Variants in SLC30A6 observed in about 807,000 individuals in gnomAD.
The protein encoded by SLC30A6 is solute carrier family 30 member 6, also known as zinc transporter 6.
A neutral mutation model predicts 63.0 loss-of-function variants in SLC30A6; 55 were observed. The observed-to-expected ratio is 0.87, with a 90% CI of 0.70 to 1.09. The LOEUF is 1.09. Ranked by LOEUF, SLC30A6 falls within the 50% of genes least tolerant of loss-of-function variation. SLC30A6 has a pLI of 0.00. For missense variants in SLC30A6, 587 were observed against 549.2 expected, an observed-to-expected ratio of 1.07 and a Z score of -0.69; for synonymous variants, 224 against 186.1, an observed-to-expected ratio of 1.20 and a Z score of -1.66.
chr2:32,223,532 C>G lies in SLC30A6; in HGVS notation c.*2819C>G, dbSNP rs1686252640. ...AATAATCAGCTTCAAAACGTTATGG[C>G]TAAATCTGTAGAATGTATGCCCAAT... On this transcript the variant is annotated 3_prime_UTR_variant, in exon 14 of 14. Transcript: ENST00000282587. 6.6e-6 allele frequency: 1 copy of G among 152,180 alleles called. No individual in the cohort carries two copies. Among genetic ancestry groups the G allele is most frequent in the Admixed American group, 6.5e-5 (1 of 15,276 alleles). 9.4% of individuals were successfully genotyped at this position (152,180 alleles called of 1,614,324 possible).
intron 4 of SLC30A6, among the ~76,000 whole-genome samples, chr2:32,177,093 A>C (rs1268768610): frequency 2.6e-5 from 4 of 152,068 alleles, no homozygotes; most frequent in Non-Finnish European, 5.9e-5. Flanking sequence ...TCCTTGTCTC[A>C]AAAAGAGACC....
chr2:32,187,611 C>A (rs574457429), intron 5 of SLC30A6, among the ~76,000 whole-genome samples: 5 of 152,172 alleles, frequency 3.3e-5, no homozygotes, highest in Non-Finnish European at 5.9e-5. Flanking sequence ...GTTCTCTAGG[C>A]CTGAGAACTA....
At chr2:32,167,702 G>T (rs1438749619) in intron 1 of SLC30A6, among the ~76,000 whole-genome samples, 1 of 151,988 alleles carries the variant, frequency 6.6e-6, no homozygotes, top group African/African-American at 2.4e-5. Flanking sequence ...ACATAAAGCT[G>T]CACAAAACGA....
chr2:32,209,501 C>T lies in SLC30A6; in HGVS notation c.825C>T (p.Thr275=), dbSNP rs181032883. 33 of 1,611,838 alleles carry T rather than the reference C, an allele frequency of 2.0e-5. No individual in the cohort carries two copies. Among genetic ancestry groups the T allele is most frequent in the Admixed American group, 1.2e-4 (7 of 59,502 alleles). The change falls in exon 13 of 14, where the codon ACC becomes ACT. Residue 275 remains threonine, a synonymous_variant. Transcript: ENST00000282587. The part of the protein sequence containing the change: ...QLDKLIREVS[T]LDGVLEVRNE... ...CTTTCTGTTTTTGGTAGGTATCTAC[C>T]TTAGATGGAGTTTTAGAAGTCCGAA...
chr2:32,209,680 G>A (rs1685086163), intron 13 of SLC30A6, 119 bp downstream of exon 13: 1 of 803,406 alleles, frequency 1.2e-6, no homozygotes, highest in Admixed American at 2.9e-5. Flanking sequence ...GTTATGTTAA[G>A]CAGAGTCTAA....
At chr2:32,184,069 A>G (rs1479084261) in intron 4 of SLC30A6, among the ~76,000 whole-genome samples, 1 of 152,196 alleles carries the variant, frequency 6.6e-6, no homozygotes, top group Non-Finnish European at 1.5e-5. Context: ...TCTTCCAAGT[A>G]TACCACATGT....
chr2:32,200,412 A>G (rs917275083), intron 10 of SLC30A6, among the ~76,000 whole-genome samples: 8 of 152,004 alleles, frequency 5.3e-5, no homozygotes, highest in East Asian at 1.9e-4. Flanking sequence ...GGAATAGAAA[A>G]GGGGGAAAGG....
intron 10 of SLC30A6, among the ~76,000 whole-genome samples, chr2:32,204,153 A>G (rs212760): frequency 0.59 from 90,266 of 152,038 alleles, 27,079 homozygotes; most frequent in African/African-American, 0.62. Context: ...CACAAGAATG[A>G]TTGTAAACAG....
intron 9 of SLC30A6, 26 bp downstream of exon 9, chr2:32,197,418 A>G (rs745929806): frequency 3.1e-6 from 5 of 1,597,842 alleles, no homozygotes; most frequent in Non-Finnish European, 4.3e-6. Context: ...GTTTCATGAT[A>G]TGCATAATTT....
rs755816268 is a variant in SLC30A6 at position 32,192,423 on chromosome 2, T to A, written c.365+7T>A. The A allele has an allele frequency of 6.2e-6, 10 of 1,609,618 alleles. No homozygotes were observed. In the South Asian group the frequency reaches 1.1e-4, roughly 18 times the overall value. ...TCTTTATATTAAAAGAAAGGTACATTTGTATAGGATATTATTCTAAATCCC... is the reference window on the plus strand; with the variant it reads ...TCTTTATATTAAAAGAAAGGTACATATGTATAGGATATTATTCTAAATCCC... On this transcript the variant is annotated splice_region_variant and intron_variant, in intron 6 of 13. Coordinates refer to ENST00000282587, the MANE Select transcript of SLC30A6 (RefSeq NM_017964.5).
At chr2:32,204,222 A>G (rs1684546397) in intron 10 of SLC30A6, among the ~76,000 whole-genome samples, 1 of 150,128 alleles carries the variant, frequency 6.7e-6, no homozygotes, top group South Asian at 2.1e-4. Context: ...CTCTTTTTAA[A>G]AAAAAATTAC....
At chr2:32,171,212 C>A in intron 1 of SLC30A6, 75 bp from the exon 2 acceptor site, 1 of 1,206,122 alleles carries the variant, frequency 8.3e-7, no homozygotes, top group Non-Finnish European at 1.2e-6. Flanking sequence ...ATCATAGGAA[C>A]CACTATATCA....
At chr2:32,204,326 A>G (rs1307932190) in intron 10 of SLC30A6, among the ~76,000 whole-genome samples, 1 of 152,216 alleles carries the variant, frequency 6.6e-6, no homozygotes, top group East Asian at 1.9e-4. Context: ...TGACGGGGAA[A>G]TGTCCACATT....
intron 10 of SLC30A6, chr2:32,204,080 C>A: frequency 1.9e-6 from 1 of 524,004 alleles, no homozygotes; most frequent in South Asian, 2.5e-5. Context: ...ATTAGGTCAT[C>A]ATAGTTGAGG....
rs1219628726 is a variant in SLC30A6 at position 32,197,625 on chromosome 2, A to T, written c.546-82A>T. On this transcript the variant is annotated intron_variant, in intron 9 of 13. Transcript: ENST00000282587. ...AAGAAGTACACTATGTGGTACCAAA[A>T]TACAAGTTATCTTTTACAAGGTTGT... 11 of 1,585,992 alleles carry T rather than the reference A, an allele frequency of 6.9e-6. No individual in the cohort carries two copies. In the South Asian group the frequency reaches 1.1e-4, roughly 16 times the overall value.
At chr2:32,213,504 G>A (rs1411811949) in intron 13 of SLC30A6, among the ~76,000 whole-genome samples, 1 of 151,864 alleles carries the variant, frequency 6.6e-6, no homozygotes, top group African/African-American at 2.4e-5. Context: ...GGGGTTTTTA[G>A]GTCAGTCAGA....
intron 10 of SLC30A6, chr2:32,203,882 G>A: frequency 9.0e-6 from 9 of 1,005,488 alleles, no homozygotes; most frequent in Non-Finnish European, 1.4e-5. Context: ...GGTCGATCTG[G>A]CAGCCGGTCA....
At chr2:32,169,421 C>A (rs1680982202) in intron 1 of SLC30A6, among the ~76,000 whole-genome samples, 1 of 152,112 alleles carries the variant, frequency 6.6e-6, no homozygotes, top group South Asian at 2.1e-4. Flanking sequence ...AACTGATCCT[C>A]CTGACTCAGT....
intron 3 of SLC30A6, 110 bp downstream of exon 3, chr2:32,174,257 C>G (rs549758650): frequency 4.4e-6 from 3 of 682,452 alleles, no homozygotes; most frequent in Non-Finnish European, 6.8e-6. Context: ...GTATATAACT[C>G]AAATGATTTA....
Sources: gnomAD v4.1 joint callset for allele counts (sites outside exome capture counted in the v4.1 genomes callset) on GRCh38, gnomAD v4.1.1 for gene constraint, MANE v1.5 for transcripts, NCBI Gene and HGNC (gene_info 2026-07-23, HGNC 2026-07-21) for gene names.